ADGRB3: variants seen among roughly 807,000 people sequenced by gnomAD.
The protein encoded by ADGRB3 is brain-specific angiogenesis inhibitor 3.
ADGRB3 carries 37 observed loss-of-function variants against 193.4 expected under a neutral mutation model. The observed-to-expected ratio is 0.19, with a 90% CI of 0.15 to 0.25. The LOEUF is 0.25. Among genes scored for constraint, ADGRB3 ranks in the 10% least tolerant of loss-of-function variants. The pLI, the probability that ADGRB3 is intolerant of heterozygous loss-of-function variation, is 1.00. For missense variants in ADGRB3, 1,637 were observed against 1,852.9 expected (o/e 0.88, Z 2.14); for synonymous variants, 690 against 644.2 (o/e 1.07, Z -1.08).
chr6:69,288,228 T>C (rs147893811), intron 20 of ADGRB3, among the ~76,000 whole-genome samples: 15,038 of 152,152 alleles, frequency 0.099, 821 homozygotes, highest in African/African-American at 0.11. Context: ...CCCCGGGGTG[T>C]GATGTTCCCC....
intron 17 of ADGRB3, among the ~76,000 whole-genome samples, chr6:69,222,371 G>A (rs1040318583): frequency 3.3e-5 from 5 of 152,050 alleles, no homozygotes; most frequent in Admixed American, 1.3e-4. Context: ...TTATCAACAC[G>A]ATATTCCTAT....
chr6:68,735,855 G>A (rs1048540330), intron 3 of ADGRB3, among the ~76,000 whole-genome samples: 23 of 152,078 alleles, frequency 1.5e-4, no homozygotes, highest in Non-Finnish European at 2.6e-4. Flanking sequence ...TTCGATGAAA[G>A]GTTTTGGATG....
chr6:69,192,688 A>G (rs1177318605), intron 17 of ADGRB3, among the ~76,000 whole-genome samples: 2 of 152,146 alleles, frequency 1.3e-5, no homozygotes, highest in East Asian at 1.9e-4. Context: ...TTTTGTGTGT[A>G]TAGTAGTGAT....
chr6:68,858,941 T>G (rs191406734), intron 3 of ADGRB3, among the ~76,000 whole-genome samples: 1 of 152,336 alleles, frequency 6.6e-6, no homozygotes, highest in Non-Finnish European at 1.5e-5. Context: ...GATTAGCATT[T>G]GGCTCCTTAT....
At chr6:68,841,802 C>A (rs1180828523) in intron 3 of ADGRB3, among the ~76,000 whole-genome samples, 2 of 151,840 alleles carry the variant, frequency 1.3e-5, no homozygotes, top group Non-Finnish European at 2.9e-5. Context: ...TTTGTGGGAA[C>A]TGAAAATTAA....
intron 11 of ADGRB3, among the ~76,000 whole-genome samples, chr6:69,003,412 G>A (rs1336679097): frequency 1.3e-5 from 2 of 152,136 alleles, no homozygotes; most frequent in East Asian, 1.9e-4. Flanking sequence ...AAAAAAAGCA[G>A]CACTCATCTT....
intron 3 of ADGRB3, among the ~76,000 whole-genome samples, chr6:68,729,224 G>T (rs1206584580): frequency 6.6e-6 from 1 of 151,596 alleles, no homozygotes; most frequent in Non-Finnish European, 1.5e-5. Flanking sequence ...TACTGTGAAA[G>T]CTTTCCTTGG....
intron 10 of ADGRB3, among the ~76,000 whole-genome samples, chr6:68,986,125 A>G (rs974940343): frequency 3.3e-5 from 5 of 152,168 alleles, no homozygotes; most frequent in African/African-American, 7.2e-5. Flanking sequence ...CAAATTTACT[A>G]TGCTCTCATT....
At chr6:68,731,653 A>G (rs1765778492) in intron 3 of ADGRB3, among the ~76,000 whole-genome samples, 1 of 151,646 alleles carries the variant, frequency 6.6e-6, no homozygotes, top group Non-Finnish European at 1.5e-5. Flanking sequence ...AACATAGTTT[A>G]AAACAGACAA....
intron 31 of ADGRB3, among the ~76,000 whole-genome samples, chr6:69,385,860 T>C (rs1194726906): frequency 6.6e-6 from 1 of 151,982 alleles, no homozygotes; most frequent in African/African-American, 2.4e-5. Context: ...GTCTATAGGC[T>C]CCTCTCTTAT....
rs58674430 is a variant in ADGRB3 at position 69,065,755 on chromosome 6, G to GTA, written c.2436+2728_2436+2729dup. Among the ~76,000 whole-genome samples the GTA allele has an allele frequency of 1.1e-4, 15 of 138,832 alleles. 1 individual carries two copies. The highest frequency in any genetic ancestry group is 3.0e-4 in the African/African-American group (11 of 37,114). The allele number at this position is 138,832 out of a possible 152,430, so 91.1% of individuals were successfully genotyped here. ...TTATTAGAACAAGCCTGAACTTCAT[G>GTA]TATATATATACACACACACACACAC... On this transcript the variant is annotated intron_variant, in intron 16 of 31. Coordinates refer to ENST00000370598, the MANE Select transcript of ADGRB3 (RefSeq NM_001704.3).
At chr6:69,257,472 G>T (rs895960683) in intron 20 of ADGRB3, among the ~76,000 whole-genome samples, 1 of 152,118 alleles carries the variant, frequency 6.6e-6, no homozygotes, top group Non-Finnish European at 1.5e-5. Flanking sequence ...TTCTTCTAGA[G>T]TTTCTAGTTT....
chr6:69,302,371 G>T (rs1767965453), intron 20 of ADGRB3, among the ~76,000 whole-genome samples: 1 of 151,952 alleles, frequency 6.6e-6, no homozygotes, highest in African/African-American at 2.4e-5. Flanking sequence ...AAGGCCTAGA[G>T]AATGAGAACA....
At chr6:69,018,882 G>A (rs1032133641) in intron 13 of ADGRB3, among the ~76,000 whole-genome samples, 1 of 151,896 alleles carries the variant, frequency 6.6e-6, no homozygotes, top group African/African-American at 2.4e-5. Flanking sequence ...TAGTCTTTAT[G>A]ATCTTCCGTA....
intron 20 of ADGRB3, among the ~76,000 whole-genome samples, chr6:69,314,378 T>C (rs1768265810): frequency 6.6e-6 from 1 of 151,700 alleles, no homozygotes; most frequent in East Asian, 1.9e-4. Flanking sequence ...ATTGCTTTTA[T>C]TGCTCCCTCA....
At chr6:69,051,842 G>A (rs539999839) in intron 15 of ADGRB3, among the ~76,000 whole-genome samples, 1 of 152,206 alleles carries the variant, frequency 6.6e-6, no homozygotes, top group East Asian at 1.9e-4. Context: ...CCCTGCTATC[G>A]CAACTCTCAG....
intron 3 of ADGRB3, among the ~76,000 whole-genome samples, chr6:68,793,991 C>T (rs918072500): frequency 6.6e-6 from 1 of 151,978 alleles, no homozygotes; most frequent in African/African-American, 2.4e-5. Flanking sequence ...AGAGACTTTC[C>T]ACTGCTGCTT....
chr6:69,076,934 T>C (rs533792338), intron 17 of ADGRB3, among the ~76,000 whole-genome samples: 2 of 152,182 alleles, frequency 1.3e-5, no homozygotes, highest in African/African-American at 4.8e-5. Flanking sequence ...TGCTACTTGT[T>C]TCTCACCAGA....
intron 3 of ADGRB3, among the ~76,000 whole-genome samples, chr6:68,897,551 G>GGAAC (rs1766262077): frequency 5.4e-5 from 3 of 55,808 alleles, no homozygotes; most frequent in African/African-American, 8.1e-5. Context: ...AAGGAAGGAA[G>GGAAC]GAAGGAAAGA....
Sources: allele counts gnomAD v4.1 joint callset (sites outside exome capture counted in the v4.1 genomes callset), GRCh38; gene constraint gnomAD v4.1.1; transcripts MANE v1.5; gene names NCBI Gene and HGNC (gene_info 2026-07-23, HGNC 2026-07-21).